The following DMRT1 variants were observed in gnomAD, a reference collection of about 807,000 sequenced individuals.
DMRT1 encodes the protein doublesex- and mab-3-related transcription factor 1.
DMRT1 carries 7 observed loss-of-function variants against 32.3 expected under a neutral mutation model. The observed-to-expected ratio is 0.22, with a 90% CI of 0.12 to 0.41. The LOEUF (loss-of-function observed/expected upper bound fraction) is 0.41. Among genes scored for constraint, DMRT1 ranks in the 10% least tolerant of loss-of-function variants. The probability of loss-of-function intolerance (pLI) is 1.00; values close to 1 mark genes in which losing one functional copy is unlikely to be tolerated. For synonymous variants in DMRT1, 278 were observed against 206.1 expected (o/e 1.35, Z -2.99); for missense variants, 625 against 500.5 (o/e 1.25, Z -2.37).
At chr9:847,249 CT>C in intron 2 of DMRT1, 106 bp downstream of exon 2, 1 of 1,214,262 alleles carries the variant, frequency 8.2e-7, no homozygotes, top group Non-Finnish European at 1.2e-6. Context: ...GTGTTTAGAG[CT>C]TAGAGGATTC....
At position 946,183 on chromosome 9, in the gene DMRT1, A is replaced by G. The variant is rs111827813; in HGVS notation, c.968-21802A>G. The stretch of plus-strand genomic sequence containing the variant: ...ACAAATGCTGCCCTCTCCTTGTGCA[A>G]TTGTGCTGGTGTTTTTCTGGGGAGA... On this transcript the variant is annotated intron_variant, in intron 4 of 4. Coordinates refer to ENST00000382276, the MANE Select transcript of DMRT1 (RefSeq NM_021951.3). 1.2e-3 allele frequency among the ~76,000 whole-genome samples: 186 copies of G among 151,000 alleles called. 1 individual carries two copies. Among genetic ancestry groups the G allele is most frequent in the African/African-American group, 4.3e-3 (177 of 41,104 alleles).
intron 2 of DMRT1, among the ~76,000 whole-genome samples, chr9:867,066 G>C (rs1816023686): frequency 6.6e-6 from 1 of 152,046 alleles, no homozygotes; most frequent in African/African-American, 2.4e-5. Context: ...GAGAGAAGGA[G>C]AATAACAGTC....
intron 2 of DMRT1, among the ~76,000 whole-genome samples, chr9:865,847 A>G (rs1429467044): frequency 6.6e-6 from 1 of 152,074 alleles, no homozygotes; most frequent in Non-Finnish European, 1.5e-5. Context: ...TGCCTTCAGT[A>G]TTAGCCATCT....
In DMRT1 at chr9:913,842, G is replaced by A. The variant is rs1194161394; in HGVS notation, c.823-2921G>A. ...CAGGAAGCAGAGGTTGCAGTGAGCC[G>A]AGATTGTGCCATTGCACTCCAGCCT... On this transcript the variant is annotated intron_variant, in intron 3 of 4. Coordinates refer to ENST00000382276, the MANE Select transcript of DMRT1 (RefSeq NM_021951.3). 3.9e-5 allele frequency among the ~76,000 whole-genome samples: 6 copies of A among 152,182 alleles called. No individual in the cohort carries two copies. In the East Asian group the frequency reaches 9.6e-4, roughly 24 times the overall value.
intron 4 of DMRT1, among the ~76,000 whole-genome samples, chr9:958,634 C>CG (rs1819672414): frequency 6.6e-6 from 1 of 152,132 alleles, no homozygotes; most frequent in Non-Finnish European, 1.5e-5. Context: ...CCTAACTCTC[C>CG]GGGGGTTACA....
intron 4 of DMRT1, among the ~76,000 whole-genome samples, chr9:931,747 G>T (rs1818733916): frequency 6.6e-6 from 1 of 152,162 alleles, no homozygotes; most frequent in South Asian, 2.1e-4. Context: ...TAGAGAGTAT[G>T]ACCTCATTTA....
chr9:937,960 GA>G (rs1233159837), intron 4 of DMRT1, among the ~76,000 whole-genome samples: 13 of 151,748 alleles, frequency 8.6e-5, no homozygotes, highest in Non-Finnish European at 1.3e-4. Context: ...GTTTTTTTAA[GA>G]GTTTTATAGT....
chr9:865,571 G>T (rs981478679), intron 2 of DMRT1, among the ~76,000 whole-genome samples: 1 of 152,168 alleles, frequency 6.6e-6, no homozygotes, highest in African/African-American at 2.4e-5. Flanking sequence ...AGGAGCAGAT[G>T]AATGAGCCCG....
chr9:956,563 C>CAAAAAAAA (rs199499677), intron 4 of DMRT1, among the ~76,000 whole-genome samples: 1 of 84,190 alleles, frequency 1.2e-5, no homozygotes, highest in Admixed American at 1.2e-4. Flanking sequence ...GACCCTGTCT[C>CAAAAAAAA]AAAAAAAAAA....
At chr9:896,633 T>A (rs1016803950) in intron 3 of DMRT1, among the ~76,000 whole-genome samples, 1 of 152,018 alleles carries the variant, frequency 6.6e-6, no homozygotes, top group Admixed American at 6.5e-5. Flanking sequence ...GCCATCATGG[T>A]GAAACCCTGT....
At chr9:964,250 T>G (rs75466593) in intron 4 of DMRT1, among the ~76,000 whole-genome samples, 5,961 of 152,170 alleles carry the variant, frequency 0.039, 153 homozygotes, top group South Asian at 0.13. Context: ...TTTTCAAAAA[T>G]AATACTCATG....
intron 2 of DMRT1, among the ~76,000 whole-genome samples, chr9:888,476 T>C (rs1235835728): frequency 6.6e-6 from 1 of 152,032 alleles, no homozygotes; most frequent in East Asian, 1.9e-4. Flanking sequence ...CCAGCCAATT[T>C]TTATATGTTT....
chr9:901,037 A>AC (rs142454305), intron 3 of DMRT1, among the ~76,000 whole-genome samples: 5,759 of 151,378 alleles, frequency 0.038, 372 homozygotes, highest in African/African-American at 0.13. Context: ...TTTAATTGAG[A>AC]AGGATCTTGC....
intron 4 of DMRT1, among the ~76,000 whole-genome samples, chr9:960,126 G>A (rs542737221): frequency 1.3e-5 from 2 of 152,212 alleles, no homozygotes; most frequent in East Asian, 3.9e-4. Context: ...GAGTCGGCTT[G>A]CCTGTTGGCC....
intron 2 of DMRT1, among the ~76,000 whole-genome samples, chr9:886,026 G>C (rs187389958): frequency 1.3e-5 from 2 of 152,298 alleles, no homozygotes; most frequent in East Asian, 1.9e-4. Context: ...TAGAAAAATA[G>C]AGAGTGAGAT....
intron 2 of DMRT1, among the ~76,000 whole-genome samples, chr9:881,109 A>ACC (rs150778115): frequency 5.4e-5 from 8 of 147,862 alleles, no homozygotes; most frequent in African/African-American, 2.0e-4. Context: ...AATTCTATAG[A>ACC]CCCCCCCCAC....
At chr9:857,230 C>T (rs555401421) in intron 2 of DMRT1, among the ~76,000 whole-genome samples, 2 of 152,086 alleles carry the variant, frequency 1.3e-5, no homozygotes, top group African/African-American at 2.4e-5. Context: ...TTTTCTGAGC[C>T]CAGGACGTGG....
Position 846,742 on chromosome 9 carries a change from G to C in DMRT1, c.355-218G>C, listed in dbSNP as rs12115433. ...ATTCCAGGTATCTGCGACCATGTCT[G>C]GCAACAAGCATTTTTTGAGCACCTA... is the stretch of plus-strand genomic sequence containing the variant. On this transcript the variant is annotated intron_variant, in intron 1 of 4. Transcript: ENST00000382276. Among the ~76,000 whole-genome samples the C allele has an allele frequency of 0.056, 8,544 of 152,230 alleles. 275 individuals are homozygous for C. The highest frequency in any genetic ancestry group is 0.062 in the African/African-American group (2,591 of 41,554).
chr9:892,345 C>A (rs1266983805), intron 2 of DMRT1, among the ~76,000 whole-genome samples: 1 of 152,156 alleles, frequency 6.6e-6, no homozygotes, highest in Non-Finnish European at 1.5e-5. Context: ...ACTCTTGGAT[C>A]TGGCTTCCAG....
Sources: allele counts gnomAD v4.1 joint callset (sites outside exome capture counted in the v4.1 genomes callset), GRCh38; gene constraint gnomAD v4.1.1; transcripts MANE v1.5; gene names NCBI Gene and HGNC (gene_info 2026-07-23, HGNC 2026-07-21).